KCNIP4: variants seen among roughly 807,000 people sequenced by gnomAD.
KCNIP4 encodes the protein Kv channel-interacting protein 4.
A neutral mutation model predicts 34.0 loss-of-function variants in KCNIP4; 12 were observed. The ratio of observed to expected loss-of-function variants is 0.35; its 90% CI spans 0.23 to 0.57. The LOEUF (loss-of-function observed/expected upper bound fraction) is 0.57. KCNIP4 is among the 20% of genes least tolerant of loss of function. The pLI is 0.83. For missense variants in KCNIP4, 238 were observed against 311.7 expected (o/e 0.76, Z 1.78); for synonymous variants, 124 against 102.2 (o/e 1.21, Z -1.29).
rs985220685 is a variant in KCNIP4, at chr4:20,797,964, A to T, written c.289-39074T>A. Among the ~76,000 whole-genome samples, 35 of 152,212 alleles carry T rather than the reference A, an allele frequency of 2.3e-4. 1 individual carries two copies. The highest frequency in any genetic ancestry group is 8.0e-4 in the African/African-American group (33 of 41,456). On this transcript the variant is annotated intron_variant, in intron 3 of 8. Transcript: ENST00000382152. ...GACCTACACAATTGTTAGCTAGTAA[A>T]TCAGTGTTTTTAGCCTCTAAGTTGG...
At chr4:21,292,623 TA>T (rs1211130289) in intron 1 of KCNIP4, among the ~76,000 whole-genome samples, 1 of 152,164 alleles carries the variant, frequency 6.6e-6, no homozygotes, top group Admixed American at 6.5e-5. Context: ...CAGGCTCTGA[TA>T]AGACTATATG....
rs557159062 is a variant in KCNIP4 at position 20,895,981 on chromosome 4, A to G, written c.62-13272T>C. ...TGGTGGGCTAGAGTTGGAGCTTTTT[A>G]GCTCAAACACTTTTTTTTTAAATTA... On this transcript the variant is annotated intron_variant, in intron 1 of 8. Transcript: ENST00000382152. 2.3e-3 allele frequency among the ~76,000 whole-genome samples: 356 copies of G among 152,324 alleles called. 1 individual carries two copies. The highest frequency in any genetic ancestry group is 7.9e-3 in the African/African-American group (329 of 41,578).
At chr4:21,393,018 T>C (rs989710453) in intron 1 of KCNIP4, among the ~76,000 whole-genome samples, 33 of 152,276 alleles carry the variant, frequency 2.2e-4, no homozygotes, top group African/African-American at 7.5e-4. Flanking sequence ...ATTTGGGTAT[T>C]AGGACTGTCA....
In KCNIP4 at chr4:21,099,637, A is replaced by G. The variant is rs192562420; in HGVS notation, c.62-216928T>C. Among the ~76,000 whole-genome samples, 25 of 152,308 alleles carry G rather than the reference A, an allele frequency of 1.6e-4. No individual in the cohort carries two copies. The East Asian group carries it at 4.6e-3, about 28-fold the overall frequency. On this transcript the variant is annotated intron_variant, in intron 1 of 8. Coordinates refer to ENST00000382152, the MANE Select transcript of KCNIP4 (RefSeq NM_025221.6). ...TTAAAAAAGTTGAGGGGAACAAAAG[A>G]AAAAAGAAAGAAATAAATTTCTTAA...
At chr4:21,146,908 G>A (rs10938834) in intron 1 of KCNIP4, among the ~76,000 whole-genome samples, 3 of 151,836 alleles carry the variant, frequency 2.0e-5, no homozygotes, top group Non-Finnish European at 4.4e-5. Flanking sequence ...GTGGTACATC[G>A]CTGTATATAC....
At chr4:21,673,207 A>G (rs1293191280) in intron 1 of KCNIP4, among the ~76,000 whole-genome samples, 1 of 152,222 alleles carries the variant, frequency 6.6e-6, no homozygotes, top group Non-Finnish European at 1.5e-5. Flanking sequence ...TGCTTTTCAC[A>G]AATAAAACAA....
At chr4:21,368,381 T>C (rs140409002) in intron 1 of KCNIP4, among the ~76,000 whole-genome samples, 2 of 147,318 alleles carry the variant, frequency 1.4e-5, no homozygotes, top group African/African-American at 2.7e-5. Context: ...TCGTATCTAA[T>C]ACACGTGCTT....
In KCNIP4 at chr4:20,803,714, AGAGAGAGAG is replaced by A. The variant is rs1714677853; in HGVS notation, c.289-44833_289-44825del. On this transcript the variant is annotated intron_variant, in intron 3 of 8. Transcript: ENST00000382152. ...GAGAGAGAGAGAGAAAGAGAGAGAG[AGAGAGAGAG>A]AGAGAGGAAGGAAGGAAGGAAGGAA... Among the ~76,000 whole-genome samples the A allele has an allele frequency of 2.5e-5, 3 of 118,786 alleles. No individual in the cohort carries two copies. The South Asian group carries it at 1.0e-3, about 40-fold the overall frequency. 77.9% of individuals were successfully genotyped at this position (118,786 alleles called of 152,430 possible). A position where few individuals can be genotyped will look rare whatever the true frequency, so the allele number is the denominator to read the frequency against.
intron 1 of KCNIP4, among the ~76,000 whole-genome samples, chr4:21,138,348 C>G (rs775122578): frequency 2.0e-5 from 3 of 152,106 alleles, no homozygotes; most frequent in Non-Finnish European, 4.4e-5. Flanking sequence ...GCTTGTCAAA[C>G]TTTATATTCT....
chr4:21,282,489 T>G (rs2109173402), intron 1 of KCNIP4, among the ~76,000 whole-genome samples: 1 of 144,702 alleles, frequency 6.9e-6, no homozygotes, highest in South Asian at 2.2e-4. Flanking sequence ...TGTGTGTGTG[T>G]GTGTGTAATG....
At chr4:20,981,042 T>C (rs1029079832) in intron 1 of KCNIP4, among the ~76,000 whole-genome samples, 2 of 152,238 alleles carry the variant, frequency 1.3e-5, no homozygotes, top group African/African-American at 4.8e-5. Context: ...GTCCAGGTTC[T>C]GTTTCTGCTT....
chr4:20,996,473 G>A (rs768252726), intron 1 of KCNIP4, among the ~76,000 whole-genome samples: 12 of 152,054 alleles, frequency 7.9e-5, no homozygotes, highest in Non-Finnish European at 1.3e-4. Context: ...ATAGTCTTTC[G>A]ATTTATTAAA....
chr4:21,283,639 A>G (rs1404822674), intron 1 of KCNIP4, among the ~76,000 whole-genome samples: 1 of 114,518 alleles, frequency 8.7e-6, no homozygotes, highest in Non-Finnish European at 1.7e-5. Flanking sequence ...TATGAAGCAA[A>G]TTCTATTTCA....
At chr4:20,945,584 CGTGT>C (rs980403293) in intron 1 of KCNIP4, among the ~76,000 whole-genome samples, 3 of 151,976 alleles carry the variant, frequency 2.0e-5, no homozygotes, top group African/African-American at 7.3e-5. Context: ...AAGATGTGTA[CGTGT>C]GTGAGTGTGT....
intron 1 of KCNIP4, among the ~76,000 whole-genome samples, chr4:21,236,513 T>C (rs1759370011): frequency 6.6e-6 from 1 of 152,222 alleles, no homozygotes; most frequent in South Asian, 2.1e-4. Context: ...TTTTGGATTC[T>C]TATATTAAGC....
intron 1 of KCNIP4, among the ~76,000 whole-genome samples, chr4:21,405,765 A>T (rs2109569348): frequency 6.6e-6 from 1 of 152,312 alleles, no homozygotes; most frequent in East Asian, 1.9e-4. Flanking sequence ...GGGCAGTCTG[A>T]GGTTGCTCTA....
intron 1 of KCNIP4, among the ~76,000 whole-genome samples, chr4:20,957,170 C>G (rs941953059): frequency 2.6e-5 from 4 of 152,128 alleles, no homozygotes; most frequent in African/African-American, 9.6e-5. Context: ...AGTAAAAGAC[C>G]AAGAACGGGT....
At chr4:21,438,228 G>C (rs143870780) in intron 1 of KCNIP4, among the ~76,000 whole-genome samples, 1 of 152,236 alleles carries the variant, frequency 6.6e-6, no homozygotes, top group South Asian at 2.1e-4. Flanking sequence ...AGGCCATTTT[G>C]GTGGTGGGGA....
At chr4:21,006,016 G>C (rs978067742) in intron 1 of KCNIP4, among the ~76,000 whole-genome samples, 28 of 152,134 alleles carry the variant, frequency 1.8e-4, no homozygotes, top group African/African-American at 3.6e-4. Flanking sequence ...GAGAGCAATA[G>C]AGAGCCTTAA....
Sources: gnomAD v4.1 joint callset for allele counts (sites outside exome capture counted in the v4.1 genomes callset) on GRCh38, gnomAD v4.1.1 for gene constraint, MANE v1.5 for transcripts, NCBI Gene and HGNC (gene_info 2026-07-23, HGNC 2026-07-21) for gene names.